Variants in VASH2 observed in about 807,000 individuals in gnomAD.
VASH2 encodes vasohibin 2, also known as tubulinyl-Tyr carboxypeptidase 2.
Under a neutral mutation model 37.2 loss-of-function variants are expected in VASH2, and 28 were observed. That is an observed-to-expected ratio of 0.75 (90% CI 0.56 to 1.03). VASH2 has a LOEUF of 1.03. VASH2 is among the 50% of genes least tolerant of loss of function. The pLI is 0.00. For synonymous variants in VASH2, 188 were observed against 174.7 expected, an observed-to-expected ratio of 1.08 and a Z score of -0.60; for missense variants, 419 against 459.1, an observed-to-expected ratio of 0.91 and a Z score of 0.80.
At chr1:212,973,534 G>C (rs1391622929) in intron 6 of VASH2, 30 of 1,289,074 alleles carry the variant, frequency 2.3e-5, no homozygotes, top group Non-Finnish European at 3.0e-5. Context: ...GGAGATTCCT[G>C]ATCAATTAAA....
intron 7 of VASH2, among the ~76,000 whole-genome samples, chr1:212,983,004 G>A (rs1321327645): frequency 6.6e-6 from 1 of 152,198 alleles, no homozygotes; most frequent in African/African-American, 2.4e-5. Context: ...TGTTGTCATG[G>A]TAACTTGAAT....
chr1:212,981,722 A>G (rs114758525), intron 7 of VASH2, among the ~76,000 whole-genome samples: 5,084 of 152,236 alleles, frequency 0.033, 129 homozygotes, highest in Admixed American at 0.052. Flanking sequence ...CGGCACACGT[A>G]CCCAGACATG....
intron 7 of VASH2, among the ~76,000 whole-genome samples, chr1:212,978,152 C>G (rs1572077854): frequency 6.6e-6 from 1 of 152,146 alleles, no homozygotes; most frequent in East Asian, 1.9e-4. Flanking sequence ...GGGAGGGGCC[C>G]AACTGGTCAC....
chr1:212,952,057 T>C (rs1666330621), intron 2 of VASH2, among the ~76,000 whole-genome samples: 1 of 152,134 alleles, frequency 6.6e-6, no homozygotes, highest in African/African-American at 2.4e-5. Flanking sequence ...TGTAATTGGA[T>C]TGTGCCAAGG....
Position 212,950,570 on chromosome 1 carries a change from CTT to C in VASH2, c.-374_-373del, listed in dbSNP as rs1425640458. 1 of 153,160 alleles carries C rather than the reference CTT, an allele frequency of 6.5e-6. No individual in the cohort carries two copies. Among genetic ancestry groups the C allele is most frequent in the Non-Finnish European group, 1.5e-5 (1 of 68,130 alleles). The allele number at this position is 153,160 out of a possible 1,614,324, so 9.5% of individuals were successfully genotyped here. A position where few individuals can be genotyped will look rare whatever the true frequency, so the allele number is the denominator to read the frequency against. On this transcript the variant is annotated 5_prime_UTR_variant, in exon 1 of 8. Transcript: ENST00000517399. This position sits in a 1 kb window ranked among gnomAD's most constrained non-coding sequence, Gnocchi z 5.5. ...GGAACATCGGCGGCTGCCCGGGTGA[CTT>C]GGTTATATGTCACAGAATAACATTC...
At position 212,961,210 on chromosome 1, in the gene VASH2, C is replaced by A. The variant is rs748743761; in HGVS notation, c.321C>A (p.Ile107=). The change falls in exon 3 of 8, where the codon ATC becomes ATA. Residue 107 remains isoleucine (I), a synonymous_variant. Coordinates refer to ENST00000517399, the MANE Select transcript of VASH2 (RefSeq NM_001301056.2). ...CAAACTACAGGCTGTCGATGACGAT[C>A]CCAGACTGGCTCCAGGCGATCCAGA... ...QVPNYRLSMT[I]PDWLQAIQNY... The A allele has an allele frequency of 5.6e-6, 9 of 1,614,074 alleles. No homozygotes were observed.
intron 2 of VASH2, among the ~76,000 whole-genome samples, chr1:212,956,192 G>A (rs1400385993): frequency 2.6e-5 from 4 of 152,118 alleles, no homozygotes; most frequent in Admixed American, 6.5e-5. Flanking sequence ...CTTCCCTTGC[G>A]TTCTTCCCAC....
chr1:212,958,521 G>T (rs1345957440), intron 2 of VASH2, among the ~76,000 whole-genome samples: 1 of 152,164 alleles, frequency 6.6e-6, no homozygotes, highest in Non-Finnish European at 1.5e-5. Context: ...CTGGGCTTGA[G>T]GGGGGTTGAA....
intron 2 of VASH2, chr1:212,952,516 G>C (rs769889886): frequency 3.9e-5 from 6 of 152,278 alleles, no homozygotes; most frequent in Non-Finnish European, 7.3e-5. Flanking sequence ...AGTCTCACTG[G>C]ATAGAAAAAG....
Position 212,965,794 on chromosome 1 carries a change from T to C in VASH2, c.422+16T>C. On this transcript the variant is annotated intron_variant, in intron 4 of 7. Coordinates refer to ENST00000517399, the MANE Select transcript of VASH2 (RefSeq NM_001301056.2). ...CGCTGAGTGGGTAAGTGGTGCATGA[T>C]CTATGGGCCAGATGACCTCTCTCCT... The C allele has an allele frequency of 6.5e-7, 1 of 1,550,006 alleles. No individual in the cohort carries two copies. Among genetic ancestry groups the C allele is most frequent in the Non-Finnish European group, 8.7e-7 (1 of 1,145,088 alleles).
chr1:212,978,806 C>T (rs1667254775), intron 7 of VASH2, among the ~76,000 whole-genome samples: 1 of 152,134 alleles, frequency 6.6e-6, no homozygotes. Context: ...ATTAGCAAAT[C>T]CAGTAAGACT....
chr1:212,962,481 C>T (rs1451644095), intron 3 of VASH2, among the ~76,000 whole-genome samples: 5 of 152,204 alleles, frequency 3.3e-5, no homozygotes, highest in Non-Finnish European at 7.3e-5. Context: ...GGGGGCACTG[C>T]ACACATGCCC....
intron 2 of VASH2, among the ~76,000 whole-genome samples, chr1:212,953,716 T>C (rs940545200): frequency 1.3e-5 from 2 of 152,170 alleles, no homozygotes; most frequent in Admixed American, 6.5e-5. Context: ...GACCAGACTT[T>C]GTAAGTTCTT....
rs1236346743 is a variant in VASH2 at position 212,990,080 on chromosome 1, A to T, written c.*1496A>T. The T allele has an allele frequency of 2.0e-5, 3 of 152,070 alleles. No individual in the cohort carries two copies. The highest frequency in any genetic ancestry group is 2.9e-5 in the Non-Finnish European group (2 of 68,016). The allele number at this position is 152,070 out of a possible 1,614,324, so 9.4% of individuals were successfully genotyped here. Reference sequence around the variant, plus strand: ...AGGAAGTTAAAAAAAAAAAAAGCTCATTGAGATTCTTTACCAATTCTTTAC... The same window carrying T: ...AGGAAGTTAAAAAAAAAAAAAGCTCTTTGAGATTCTTTACCAATTCTTTAC... On this transcript the variant is annotated 3_prime_UTR_variant, in exon 8 of 8. Transcript: ENST00000517399.
At chr1:212,984,724 A>G (rs1283686260) in intron 7 of VASH2, among the ~76,000 whole-genome samples, 1 of 152,226 alleles carries the variant, frequency 6.6e-6, no homozygotes, top group East Asian at 1.9e-4. Context: ...ATGGAACAAG[A>G]CAGTCTCTTG....
At chr1:212,958,392 C>T (rs1053724306) in intron 2 of VASH2, among the ~76,000 whole-genome samples, 1 of 152,238 alleles carries the variant, frequency 6.6e-6, no homozygotes, top group Non-Finnish European at 1.5e-5. Flanking sequence ...ACTCTGCTTA[C>T]AGCCAGGCTG....
At chr1:212,973,416 C>T (rs768909997) in intron 6 of VASH2, 20 of 1,291,506 alleles carry the variant, frequency 1.5e-5, no homozygotes, top group South Asian at 1.2e-4. Flanking sequence ...TTGTCCATGT[C>T]CCTCCAGGGC....
intron 7 of VASH2, among the ~76,000 whole-genome samples, chr1:212,985,505 C>T (rs997447956): frequency 6.6e-6 from 1 of 151,728 alleles, no homozygotes; most frequent in Non-Finnish European, 1.5e-5. Flanking sequence ...CTGCAACCTC[C>T]GCTTCCCAGG....
At chr1:212,988,484 C>G (rs1298254825) in intron 7 of VASH2, 28 bp from the exon 8 acceptor site, 4 of 1,612,358 alleles carry the variant, frequency 2.5e-6, no homozygotes, top group Non-Finnish European at 3.4e-6. Flanking sequence ...CCCCTCTCCT[C>G]CACCATATTT....
Sources: gnomAD v4.1 joint callset for allele counts (sites outside exome capture counted in the v4.1 genomes callset) on GRCh38, gnomAD v4.1.1 for gene constraint, Gnocchi (gnomAD v3.1) non-coding constraint, MANE v1.5 for transcripts, NCBI Gene and HGNC (gene_info 2026-07-23, HGNC 2026-07-21) for gene names.